The following ELP4 variants were observed in gnomAD, a reference collection of about 807,000 sequenced individuals.
The protein encoded by ELP4 is elongator complex protein 4.
Under a neutral mutation model 48.9 loss-of-function variants are expected in ELP4, and 51 were observed. That is an observed-to-expected ratio of 1.04 (90% CI 0.83 to 1.32). The LOEUF is 1.32. Among genes scored for constraint, ELP4 ranks in the 40% most tolerant of loss-of-function variants. ELP4 has a pLI of 0.00. For missense variants in ELP4, 519 were observed against 514.6 expected (o/e 1.01, Z -0.08); for synonymous variants, 210 against 189.2 (o/e 1.11, Z -0.90).
chr11:31,722,665 TTCTC>T (rs71060499), intron 9 of ELP4, among the ~76,000 whole-genome samples: 27,907 of 143,662 alleles, frequency 0.19, 2,773 homozygotes, highest in Non-Finnish European at 0.24. Context: ...AAGGTGTCTC[TTCTC>T]TCTCTCTCTC....
chr11:31,683,781 T>G (rs1296843478), intron 9 of ELP4, among the ~76,000 whole-genome samples: 1 of 152,180 alleles, frequency 6.6e-6, no homozygotes, highest in African/African-American at 2.4e-5. Context: ...TACTATGGGA[T>G]AAATTCAATT....
intron 9 of ELP4, among the ~76,000 whole-genome samples, chr11:31,756,893 G>A (rs996512394): frequency 1.3e-5 from 2 of 152,130 alleles, no homozygotes; most frequent in African/African-American, 2.4e-5. Flanking sequence ...TGTCCACTGC[G>A]GCATAAACGA....
intron 3 of ELP4, among the ~76,000 whole-genome samples, chr11:31,554,718 A>T (rs957961641): frequency 6.6e-6 from 1 of 152,082 alleles, no homozygotes; most frequent in Non-Finnish European, 1.5e-5. Context: ...CCTTTGACAA[A>T]CATCTCTTCA....
chr11:31,715,134 A>G (rs543376444), intron 9 of ELP4: 2 of 215,176 alleles, frequency 9.3e-6, no homozygotes, highest in African/African-American at 4.5e-5. Context: ...AAATAAACTA[A>G]TATTTCTCAT....
intron 3 of ELP4, among the ~76,000 whole-genome samples, chr11:31,586,093 G>T (rs1592138983): frequency 6.6e-6 from 1 of 152,176 alleles, no homozygotes; most frequent in Admixed American, 6.5e-5. Context: ...TAAGTAGATA[G>T]TGGCTACTGT....
At chr11:31,540,607 A>C (rs967534744) in intron 3 of ELP4, among the ~76,000 whole-genome samples, 1 of 152,198 alleles carries the variant, frequency 6.6e-6, no homozygotes, top group African/African-American at 2.4e-5. Context: ...GGCATCAGCC[A>C]CCGCATCCAG....
intron 9 of ELP4, among the ~76,000 whole-genome samples, chr11:31,751,732 A>G (rs1169460194): frequency 6.6e-6 from 1 of 152,156 alleles, no homozygotes; most frequent in Non-Finnish European, 1.5e-5. Flanking sequence ...CTAAAACTTA[A>G]TTAATCGCCT....
Position 31,509,880 on chromosome 11 carries a change from G to A in ELP4, c.96G>A (p.Arg32=). Reference sequence around the variant, plus strand: ...GCAACGTCACCAGTTTCCAGAGGAGGGGTCCTAGAGCCAGCGTGACCAACG... The same window carrying A: ...GCAACGTCACCAGTTTCCAGAGGAGAGGTCCTAGAGCCAGCGTGACCAACG... ...SKSNVTSFQR[R]GPRASVTNDS... is the part of the protein sequence containing the mutation. The change falls in exon 1 of 10, where the codon AGG becomes AGA. Residue 32 remains arginine (R), a synonymous_variant. Transcript: ENST00000640961. 1 of 1,614,170 alleles carries A rather than the reference G, an allele frequency of 6.2e-7. No homozygotes were observed. Among genetic ancestry groups the A allele is most frequent in the Non-Finnish European group, 8.5e-7 (1 of 1,180,040 alleles).
chr11:31,557,075 C>T (rs1956942519), intron 3 of ELP4, among the ~76,000 whole-genome samples: 2 of 151,670 alleles, frequency 1.3e-5, no homozygotes, highest in Admixed American at 6.6e-5. Flanking sequence ...TAAAAGTAAA[C>T]CATATCATAT....
chr11:31,733,642 C>T (rs1336978562), intron 9 of ELP4, among the ~76,000 whole-genome samples: 1 of 151,888 alleles, frequency 6.6e-6, no homozygotes, highest in Non-Finnish European at 1.5e-5. Context: ...CTATAGTCTA[C>T]CAAGACTATG....
chr11:31,554,736 C>T (rs1407805140), intron 3 of ELP4, among the ~76,000 whole-genome samples: 1 of 152,064 alleles, frequency 6.6e-6, no homozygotes, highest in Non-Finnish European at 1.5e-5. Flanking sequence ...TCATTTCTTC[C>T]ACCCTCCAGC....
intron 9 of ELP4, among the ~76,000 whole-genome samples, chr11:31,675,933 C>T (rs1381553164): frequency 6.6e-6 from 1 of 152,154 alleles, no homozygotes; most frequent in Non-Finnish European, 1.5e-5. Flanking sequence ...TCTTTTAACC[C>T]TGACCTCCTT....
chr11:31,582,106 A>T (rs944805136), intron 3 of ELP4, among the ~76,000 whole-genome samples: 1 of 152,164 alleles, frequency 6.6e-6, no homozygotes, highest in Non-Finnish European at 1.5e-5. Context: ...AGGATGAGCT[A>T]CAGAGCAAGA....
At chr11:31,564,378 CTT>C (rs869248857) in intron 3 of ELP4, among the ~76,000 whole-genome samples, 6 of 138,080 alleles carry the variant, frequency 4.3e-5, no homozygotes, top group African/African-American at 5.2e-5. Flanking sequence ...GATTCATTTT[CTT>C]TTTTTTTTTT....
At chr11:31,747,874 A>G (rs1170911771) in intron 9 of ELP4, among the ~76,000 whole-genome samples, 3 of 152,256 alleles carry the variant, frequency 2.0e-5, no homozygotes, top group African/African-American at 7.2e-5. Context: ...GCAGACAGGT[A>G]GTAGAAAGTA....
intron 3 of ELP4, among the ~76,000 whole-genome samples, chr11:31,579,693 C>T (rs968036924): frequency 6.7e-6 from 1 of 150,094 alleles, no homozygotes; most frequent in African/African-American, 2.5e-5. Context: ...GGACAAAAAA[C>T]CAAACACCAC....
chr11:31,559,150 T>C (rs1439794829), intron 3 of ELP4, among the ~76,000 whole-genome samples: 1 of 152,194 alleles, frequency 6.6e-6, no homozygotes, highest in Non-Finnish European at 1.5e-5. Context: ...TGTGAAGATT[T>C]ATTTTGTACA....
At chr11:31,694,965 A>G (rs1388135418) in intron 9 of ELP4, among the ~76,000 whole-genome samples, 1 of 151,588 alleles carries the variant, frequency 6.6e-6, no homozygotes, top group Non-Finnish European at 1.5e-5. Context: ...TCTGTCTGTT[A>G]TTGGTGTATA....
At chr11:31,635,296 G>C (rs893112735) in intron 7 of ELP4, among the ~76,000 whole-genome samples, 2 of 151,918 alleles carry the variant, frequency 1.3e-5, no homozygotes, top group Admixed American at 6.6e-5. Context: ...AAAAAGTTAC[G>C]TGGTGATTAC....
Sources: allele counts gnomAD v4.1 joint callset (sites outside exome capture counted in the v4.1 genomes callset), GRCh38; gene constraint gnomAD v4.1.1; transcripts MANE v1.5; gene names NCBI Gene and HGNC (gene_info 2026-07-23, HGNC 2026-07-21).